PLAUR: variants seen among roughly 807,000 people sequenced by gnomAD.
PLAUR encodes the protein plasminogen activator, urokinase receptor.
In PLAUR, 22 loss-of-function variants were observed where a neutral mutation model predicts 33.4. The observed-to-expected ratio is 0.66, with a 90% CI of 0.47 to 0.94. PLAUR has a LOEUF of 0.94. PLAUR is among the 40% of genes least tolerant of loss of function. The probability of loss-of-function intolerance (pLI) is 0.00; values close to 1 mark genes in which losing one functional copy is unlikely to be tolerated. For synonymous variants in PLAUR, 148 were observed against 167.3 expected (o/e 0.88, Z 0.89); for missense variants, 408 against 434.7 (o/e 0.94, Z 0.55).
At chr19:43,654,016 C>G (rs1473632298) in intron 5 of PLAUR, among the ~76,000 whole-genome samples, 1 of 150,490 alleles carries the variant, frequency 6.6e-6, no homozygotes, top group Non-Finnish European at 1.5e-5. Context: ...CCCAGCCACT[C>G]GGGAGGCTGA....
At chr19:43,652,425 A>G in intron 5 of PLAUR, 54 bp from the exon 6 acceptor site, 1 of 1,562,974 alleles carries the variant, frequency 6.4e-7, no homozygotes, top group Non-Finnish European at 8.8e-7. Flanking sequence ...TTGGATCTCC[A>G]CTTCCTTGAA....
chr19:43,660,286 C>G (rs972993829), intron 3 of PLAUR, among the ~76,000 whole-genome samples: 2 of 151,714 alleles, frequency 1.3e-5, no homozygotes, highest in Non-Finnish European at 2.9e-5. Flanking sequence ...CTGCCTCAGT[C>G]TCCCAAGTAG....
At chr19:43,666,543 TTCTC>T (rs890793710) in intron 2 of PLAUR, among the ~76,000 whole-genome samples, 1 of 140,694 alleles carries the variant, frequency 7.1e-6, no homozygotes, top group Admixed American at 7.0e-5. Context: ...CTCTCTCTCT[TTCTC>T]TCTCTCTCTC....
Position 43,665,426 on chromosome 19 carries a change from C to T in PLAUR, c.200G>A (p.Cys67Tyr), listed in dbSNP as rs745385355. The change falls in exon 3 of 7, where the codon TGT becomes TAT. Residue 67 changes from cysteine to tyrosine, a missense_variant. By Grantham distance (194) the Cys-to-Tyr change is radical. Coordinates refer to ENST00000340093, the MANE Select transcript of PLAUR (RefSeq NM_002659.4). Reference sequence around the variant, plus strand: ...CCTGTTGGTCTTCTCTGAGTGGGTACAGCTTTTCTCCACCAGCTCCAGCTC... The same window carrying T: ...CCTGTTGGTCTTCTCTGAGTGGGTATAGCTTTTCTCCACCAGCTCCAGCTC... The part of the protein sequence containing the change: ...GEELELVEKS[C>Y]THSEKTNRTL... The T allele has an allele frequency of 6.2e-7, 1 of 1,613,316 alleles. No individual in the cohort carries two copies. Among genetic ancestry groups the T allele is most frequent in the South Asian group, 1.1e-5 (1 of 91,032 alleles).
chr19:43,669,311 T>G (rs1967416675), intron 1 of PLAUR, among the ~76,000 whole-genome samples: 1 of 152,128 alleles, frequency 6.6e-6, no homozygotes, highest in Admixed American at 6.6e-5. Flanking sequence ...TGTCCCCCCG[T>G]TTCTCAGAGG....
chr19:43,665,030 G>T (rs188831446), intron 3 of PLAUR: 25 of 442,758 alleles, frequency 5.6e-5, no homozygotes, highest in African/African-American at 4.1e-4. Flanking sequence ...TGGGGATGGG[G>T]TTGGAACTGT....
intron 5 of PLAUR, among the ~76,000 whole-genome samples, chr19:43,655,073 C>T (rs571030209): frequency 2.0e-5 from 3 of 151,764 alleles, no homozygotes; most frequent in African/African-American, 4.8e-5. Context: ...GTCAGGAGTT[C>T]GAGACCAGCC....
chr19:43,655,357 C>A, intron 5 of PLAUR, 82 bp downstream of exon 5: 1 of 1,406,334 alleles, frequency 7.1e-7, no homozygotes, highest in Non-Finnish European at 9.8e-7. Flanking sequence ...GACTTGATTG[C>A]CAGAGAGTGA....
At chr19:43,665,531 A>C in intron 2 of PLAUR, 72 bp from the exon 3 acceptor site, 19 of 1,508,040 alleles carry the variant, frequency 1.3e-5, no homozygotes, top group Non-Finnish European at 1.7e-5. Flanking sequence ...TCCTGGTCTC[A>C]AGGTCATCCA....
chr19:43,649,622 GAAAA>G (rs1356245766), intron 6 of PLAUR, among the ~76,000 whole-genome samples: 1 of 140,454 alleles, frequency 7.1e-6, no homozygotes, highest in East Asian at 2.0e-4. Context: ...AGAAGGGAAA[GAAAA>G]GAAAGAAAGA....
chr19:43,666,477 C>T (rs371378087), intron 2 of PLAUR, among the ~76,000 whole-genome samples: 122 of 151,324 alleles, frequency 8.1e-4, no homozygotes, highest in Non-Finnish European at 1.5e-3. Context: ...TTCTCCCCTT[C>T]CTTCCTCCCT....
In PLAUR at chr19:43,649,565, G is replaced by T. The variant is rs547907558; in HGVS notation, c.755-422C>A. The stretch of plus-strand genomic sequence containing the variant: ...AAAAAACAAATAAAAAGAAAGAAAG[G>T]AAGGAAGGGAGGGAGGGAGGGAGGG... On this transcript the variant is annotated intron_variant, in intron 6 of 6. Coordinates refer to ENST00000340093, the MANE Select transcript of PLAUR (RefSeq NM_002659.4). Among the ~76,000 whole-genome samples the T allele has an allele frequency of 2.4e-5, 3 of 127,524 alleles. No individual in the cohort carries two copies. The East Asian group carries it at 8.4e-4, about 36-fold the overall frequency. 83.7% of individuals were successfully genotyped at this position (127,524 alleles called of 152,430 possible).
chr19:43,656,658 A>T lies in PLAUR; in HGVS notation c.311-18T>A, dbSNP rs1403511505. 6.4e-7 allele frequency: 1 copy of T among 1,568,268 alleles called. No homozygotes were observed. The highest frequency in any genetic ancestry group is 8.7e-7 in the Non-Finnish European group (1 of 1,152,986). On this transcript the variant is annotated intron_variant, in intron 3 of 6. Coordinates refer to ENST00000340093, the MANE Select transcript of PLAUR (RefSeq NM_002659.4). The stretch of plus-strand genomic sequence containing the variant: ...AGCCCGGCCTGTTTGGAAGAGGGGG[A>T]GGGGAGTGAGACTCCATGGGGACAG...
chr19:43,667,621 TC>T lies in PLAUR; in HGVS notation c.125del (p.Gly42AspfsTer36). Reference sequence around the variant, plus strand: ...CGATCGTGGTCCTGCAGAGGTCCTGTCCCAGGGCGCACTCTTCCACACGGCA... The same window carrying T: ...CGATCGTGGTCCTGCAGAGGTCCTGTCCAGGGCGCACTCTTCCACACGGCA... ...GDCRVEECAL[G>X]QDLCRTTIVR... On this transcript the variant is annotated frameshift_variant, in exon 2 of 7. Transcript: ENST00000340093. 1 of 1,614,014 alleles carries T rather than the reference TC, an allele frequency of 6.2e-7. No homozygotes were observed. The highest frequency in any genetic ancestry group is 1.1e-5 in the South Asian group (1 of 91,082).
At chr19:43,668,516 A>T (rs1967369665) in intron 1 of PLAUR, among the ~76,000 whole-genome samples, 1 of 135,856 alleles carries the variant, frequency 7.4e-6, no homozygotes, top group Non-Finnish European at 1.5e-5. Flanking sequence ...CCCCGCCCCT[A>T]GTTTTCCCCT....
intron 2 of PLAUR, among the ~76,000 whole-genome samples, 167 bp from the exon 3 acceptor site, chr19:43,665,626 C>A (rs893466869): frequency 4.2e-5 from 6 of 144,156 alleles, no homozygotes; most frequent in Non-Finnish European, 7.5e-5. Flanking sequence ...CCTCCACCCC[C>A]ACCCCAACAA....
intron 3 of PLAUR, chr19:43,665,018 T>G: frequency 3.2e-5 from 12 of 369,590 alleles, no homozygotes; most frequent in Middle Eastern, 7.5e-4. Context: ...ATGGGGTTGA[T>G]TTGGGGATGG....
chr19:43,664,787 C>T (rs559957301), intron 3 of PLAUR, among the ~76,000 whole-genome samples: 1 of 152,322 alleles, frequency 6.6e-6, no homozygotes, highest in East Asian at 1.9e-4. Context: ...TGGACCATCT[C>T]CCGTCCCAAT....
At chr19:43,668,867 T>C (rs1222519512) in intron 1 of PLAUR, among the ~76,000 whole-genome samples, 1 of 151,092 alleles carries the variant, frequency 6.6e-6, no homozygotes, top group Non-Finnish European at 1.5e-5. Flanking sequence ...CCTCGGTCTG[T>C]AACCTCTCCC....
Sources: gnomAD v4.1 joint callset for allele counts (sites outside exome capture counted in the v4.1 genomes callset) on GRCh38, gnomAD v4.1.1 for gene constraint, MANE v1.5 for transcripts, NCBI Gene and HGNC (gene_info 2026-07-23, HGNC 2026-07-21) for gene names.